ZNF273: variants seen among roughly 807,000 people sequenced by gnomAD.
ZNF273 encodes the protein zinc finger protein 9.
ZNF273 carries 11 observed loss-of-function variants against 14.9 expected under a neutral mutation model. The ratio of observed to expected loss-of-function variants is 0.74; its 90% CI spans 0.46 to 1.22. The LOEUF is 1.22. ZNF273 is among the 50% of genes most tolerant of loss of function. ZNF273 has a pLI of 0.00. For missense variants in ZNF273, 577 were observed against 660.6 expected (o/e 0.87, Z 1.39); for synonymous variants, 199 against 223.9 (o/e 0.89, Z 0.99).
At chr7:64,888,487 T>G in intron 1 of ZNF273, 1 of 985,846 alleles carries the variant, frequency 1.0e-6, no homozygotes, top group South Asian at 4.7e-5. Flanking sequence ...CTCTGTCAAA[T>G]GGGCCCACGA....
chr7:64,921,470 A>G (rs1382788216), intron 3 of ZNF273, among the ~76,000 whole-genome samples: 2 of 152,048 alleles, frequency 1.3e-5, no homozygotes, highest in Admixed American at 6.6e-5. Flanking sequence ...CACTTTTGTC[A>G]GTAATTGCTA....
At chr7:64,908,571 G>A (rs899930146) in intron 1 of ZNF273, among the ~76,000 whole-genome samples, 1 of 152,136 alleles carries the variant, frequency 6.6e-6, no homozygotes, top group Non-Finnish European at 1.5e-5. Context: ...TCCTGCCTCA[G>A]CCTCCTGAGT....
chr7:64,927,251 G>A (rs565378629), intron 3 of ZNF273, among the ~76,000 whole-genome samples: 4 of 152,044 alleles, frequency 2.6e-5, no homozygotes, highest in East Asian at 1.9e-4. Flanking sequence ...TGCCACACCC[G>A]GCTAATTTTT....
intron 1 of ZNF273, among the ~76,000 whole-genome samples, chr7:64,913,762 T>C (rs1259612637): frequency 6.6e-6 from 1 of 152,206 alleles, no homozygotes; most frequent in East Asian, 1.9e-4. Flanking sequence ...CATGGACCCT[T>C]TGCAAACCTG....
Position 64,896,769 on chromosome 7 carries a change from A to G in ZNF273, n.489-579A>G, listed in dbSNP as rs183113977. The stretch of plus-strand genomic sequence containing the variant: ...GACCCAAATCAAGCTCAGATGATCT[A>G]TGTAACAATCATAAGTTATAGTATT... On this transcript the variant is annotated intron_variant and non_coding_transcript_variant, in intron 3 of 7. Coordinates refer to the ZNF273 transcript ENST00000527278. Among the ~76,000 whole-genome samples, 31 of 152,304 alleles carry G rather than the reference A, an allele frequency of 2.0e-4. No homozygotes were observed. In the East Asian group the frequency reaches 5.8e-3, roughly 28 times the overall value.
At chr7:64,923,362 A>G (rs1794602952) in intron 3 of ZNF273, 1 of 455,422 alleles carries the variant, frequency 2.2e-6, no homozygotes, top group African/African-American at 2.0e-5. Flanking sequence ...TATTTTTTAT[A>G]CAGATTCTCA....
chr7:64,878,023 G>T, intron 1 of ZNF273: 1 of 152,308 alleles, frequency 6.6e-6, no homozygotes. Context: ...TGTGTGTGTC[G>T]GTGTGGGTGT....
At chr7:64,892,654 G>A (rs1792106185), downstream of ZNF273, among the ~76,000 whole-genome samples, 1 of 152,158 alleles carries the variant, frequency 6.6e-6, no homozygotes, top group African/African-American at 2.4e-5. Context: ...GCAGAGAGAG[G>A]GGTCCCAAAT....
chr7:64,889,370 G>T (rs4718159), downstream of ZNF273: 413,844 of 968,868 alleles, frequency 0.43, 89,801 homozygotes, highest in Non-Finnish European at 0.44. This position sits in a 1 kb window ranked among gnomAD's most constrained non-coding sequence, Gnocchi z 4.2. Context: ...GTCCGGCCCG[G>T]GGTCATCTGG....
chr7:64,935,714 G>C (rs1398154549), downstream of ZNF273, among the ~76,000 whole-genome samples: 1 of 151,984 alleles, frequency 6.6e-6, no homozygotes, highest in Non-Finnish European at 1.5e-5. Context: ...TAGAAATGGG[G>C]TTTCGCCATA....
At chr7:64,911,631 A>ATCT (rs56775114) in intron 1 of ZNF273, among the ~76,000 whole-genome samples, 64,785 of 110,838 alleles carry the variant, frequency 0.58, 14,110 homozygotes, top group South Asian at 0.64. Flanking sequence ...ATTTATTTGA[A>ATCT]TCGTCATTAA....
chr7:64,889,813 G>A (rs1345726663), downstream of ZNF273: 4 of 966,468 alleles, frequency 4.1e-6, no homozygotes, highest in East Asian at 2.3e-4. This position sits in a 1 kb window ranked among gnomAD's most constrained non-coding sequence, Gnocchi z 4.2. Flanking sequence ...TAAAAAACCT[G>A]AGGGTTAAAT....
chr7:64,883,231 C>G (rs1255236222), downstream of ZNF273, among the ~76,000 whole-genome samples: 4 of 139,206 alleles, frequency 2.9e-5, no homozygotes, highest in African/African-American at 1.1e-4. Context: ...CCTCACCAAG[C>G]AGCAACTGGT....
At chr7:64,900,541 C>A (rs1332216564), upstream of ZNF273, among the ~76,000 whole-genome samples, 3 of 152,176 alleles carry the variant, frequency 2.0e-5, no homozygotes, top group African/African-American at 7.2e-5. Context: ...TAGTGAATGC[C>A]AGCAGCTAGC....
At position 64,928,063 on chromosome 7, in the gene ZNF273, G is replaced by C. The variant is rs766646450; in HGVS notation, c.735G>C (p.Gln245His). ...KCKTCGKAFN[Q>H]FSNLTKHKII... ...AGACATGTGGAAAAGCCTTTAACCAGTTCTCAAATCTTACTAAACATAAGA... is the reference window on the plus strand; with the variant it reads ...AGACATGTGGAAAAGCCTTTAACCACTTCTCAAATCTTACTAAACATAAGA... The change falls in exon 4 of 4, where the codon CAG becomes CAC. Residue 245 changes from glutamine to histidine, a missense_variant. Transcript: ENST00000476120. 6.2e-7 allele frequency: 1 copy of C among 1,613,530 alleles called. No individual in the cohort carries two copies. The highest frequency in any genetic ancestry group is 2.2e-5 in the East Asian group (1 of 44,808).
intron 1 of ZNF273, among the ~76,000 whole-genome samples, chr7:64,912,036 G>A (rs533076116): frequency 2.6e-5 from 4 of 152,258 alleles, no homozygotes; most frequent in South Asian, 2.1e-4. Context: ...ATGGCTCACC[G>A]TAAACTCTGC....
At chr7:64,917,790 A>C in intron 2 of ZNF273, 83 bp downstream of exon 2, 1 of 1,422,740 alleles carries the variant, frequency 7.0e-7, no homozygotes, top group Non-Finnish European at 9.4e-7. Flanking sequence ...GCTTTGCATA[A>C]ATAAATTTTA....
In ZNF273 at chr7:64,930,896, A is replaced by G. The variant is rs184084353; in HGVS notation, c.*1858A>G. ...ATTTTATTTTAAAATGTACAACTAAATTGTTATGGACTACAGGGTTATTTT... is the reference window on the plus strand; with the variant it reads ...ATTTTATTTTAAAATGTACAACTAAGTTGTTATGGACTACAGGGTTATTTT... On this transcript the variant is annotated 3_prime_UTR_variant, in exon 4 of 4. Transcript: ENST00000476120. 3 of 152,246 alleles carry G rather than the reference A, an allele frequency of 2.0e-5. No homozygotes were observed. The East Asian group carries it at 5.8e-4, about 29-fold the overall frequency. The allele number at this position is 152,246 out of a possible 1,614,324, so 9.4% of individuals were successfully genotyped here.
chr7:64,928,131 G>A lies in ZNF273; in HGVS notation c.803G>A (p.Gly268Asp), dbSNP rs189072265. 6.2e-7 allele frequency: 1 copy of A among 1,613,398 alleles called. No individual in the cohort carries two copies. The highest frequency in any genetic ancestry group is 8.5e-7 in the Non-Finnish European group (1 of 1,179,612). The stretch of plus-strand genomic sequence containing the variant: ...AATCCCTACAAATGTGAAGAATGTG[G>A]CAAAGCCTTTAACCAGTCCTTAACT... ...EVNPYKCEECGKAFNQSLTLT... is the reference protein window; with the variant it reads ...EVNPYKCEECDKAFNQSLTLT... The change falls in exon 4 of 4, where the codon GGC (glycine) becomes GAC (aspartate). Residue 268 changes from glycine to aspartate, a missense_variant. Physicochemically the swap from Gly to Asp is moderately conservative, Grantham distance 94. Coordinates refer to ENST00000476120, the MANE Select transcript of ZNF273 (RefSeq NM_021148.3).
Sources: allele counts gnomAD v4.1 joint callset (sites outside exome capture counted in the v4.1 genomes callset), GRCh38; gene constraint gnomAD v4.1.1; non-coding constraint Gnocchi (gnomAD v3.1); transcripts MANE v1.5; gene names NCBI Gene and HGNC (gene_info 2026-07-23, HGNC 2026-07-21).